Variants in CDH13 observed in about 807,000 individuals in gnomAD.
CDH13 encodes cadherin-13.
A neutral mutation model predicts 63.8 loss-of-function variants in CDH13; 24 were observed. That is an observed-to-expected ratio of 0.38 (90% CI 0.27 to 0.53). CDH13 has a LOEUF of 0.53. Among genes scored for constraint, CDH13 ranks in the 20% least tolerant of loss-of-function variants. The pLI is 0.85. For synonymous variants in CDH13, 503 were observed against 355.3 expected, an observed-to-expected ratio of 1.42 and a Z score of -4.67; for missense variants, 1,049 against 903.1, an observed-to-expected ratio of 1.16 and a Z score of -2.07.
chr16:83,615,070 C>G (rs1909172055), intron 8 of CDH13, among the ~76,000 whole-genome samples: 1 of 152,144 alleles, frequency 6.6e-6, no homozygotes, highest in Non-Finnish European at 1.5e-5. Flanking sequence ...AGTTTGGTGA[C>G]TCCAGCTATG....
intron 2 of CDH13, among the ~76,000 whole-genome samples, chr16:83,028,932 G>A (rs936899883): frequency 6.6e-6 from 1 of 152,132 alleles, no homozygotes; most frequent in African/African-American, 2.4e-5. Flanking sequence ...GTGGTGACAG[G>A]CAAATGGTCC....
At chr16:83,291,094 T>A (rs185584766) in intron 5 of CDH13, among the ~76,000 whole-genome samples, 89 of 152,304 alleles carry the variant, frequency 5.8e-4, no homozygotes, top group African/African-American at 2.1e-3. Flanking sequence ...CTACCCGTTG[T>A]TCAAAGCGGC....
At chr16:83,248,843 T>C (rs1905216043) in intron 5 of CDH13, among the ~76,000 whole-genome samples, 1 of 152,194 alleles carries the variant, frequency 6.6e-6, no homozygotes, top group African/African-American at 2.4e-5. Context: ...CCCTGGAATT[T>C]AGTGTAGGCA....
At chr16:83,390,890 A>T (rs1011222952) in intron 6 of CDH13, among the ~76,000 whole-genome samples, 2 of 152,182 alleles carry the variant, frequency 1.3e-5, no homozygotes, top group African/African-American at 4.8e-5. Context: ...AGGCCAGTCA[A>T]ATCCACTGGA....
intron 3 of CDH13, among the ~76,000 whole-genome samples, chr16:83,123,919 C>T (rs543226307): frequency 9.2e-5 from 14 of 152,226 alleles, no homozygotes; most frequent in African/African-American, 2.2e-4. Context: ...AAGATGATAT[C>T]GCATTGTCGT....
chr16:83,337,400 C>G (rs1597783191), intron 5 of CDH13, among the ~76,000 whole-genome samples: 1 of 152,112 alleles, frequency 6.6e-6, no homozygotes, highest in African/African-American at 2.4e-5. Context: ...AGTTGAGCCC[C>G]TTTTTTCCTC....
chr16:83,353,375 A>T (rs1311009556), intron 6 of CDH13, among the ~76,000 whole-genome samples: 3 of 151,592 alleles, frequency 2.0e-5, no homozygotes, highest in African/African-American at 7.3e-5. Flanking sequence ...CCCCACCCTG[A>T]TGGGCACCAT....
intron 7 of CDH13, among the ~76,000 whole-genome samples, chr16:83,533,286 C>G (rs976369340): frequency 6.6e-6 from 1 of 152,172 alleles, no homozygotes; most frequent in African/African-American, 2.4e-5. Flanking sequence ...CTCGGAAAAT[C>G]TCAACTCAGC....
intron 1 of CDH13, among the ~76,000 whole-genome samples, chr16:82,645,326 G>C (rs1259492101): frequency 6.6e-6 from 1 of 152,140 alleles, no homozygotes; most frequent in African/African-American, 2.4e-5. Flanking sequence ...TAATTCTTCT[G>C]GTGTCACTGT....
rs563892683 is a variant in CDH13, at chr16:83,378,961, C to G, written c.781+33955C>G. On this transcript the variant is annotated intron_variant, in intron 6 of 13. Transcript: ENST00000567109. The stretch of plus-strand genomic sequence containing the variant: ...ATAATTATTTCCAAGATAGGTTTCT[C>G]CAGTTTAGAAATTGTATATACACAT... 7.9e-5 allele frequency among the ~76,000 whole-genome samples: 12 copies of G among 151,678 alleles called. No homozygotes were observed. The South Asian group carries it at 1.9e-3, about 24-fold the overall frequency.
intron 1 of CDH13, among the ~76,000 whole-genome samples, chr16:82,684,911 T>C (rs898246393): frequency 3.3e-5 from 5 of 151,358 alleles, no homozygotes; most frequent in African/African-American, 1.2e-4. Context: ...TGAGGAAATA[T>C]AAATCACATT....
intron 6 of CDH13, among the ~76,000 whole-genome samples, chr16:83,452,753 G>C (rs551683981): frequency 6.6e-6 from 1 of 152,348 alleles, no homozygotes; most frequent in Admixed American, 6.5e-5. Flanking sequence ...GTACCTCGGT[G>C]AAAGAAATAA....
chr16:82,893,932 AC>A (rs1196118529), intron 2 of CDH13, among the ~76,000 whole-genome samples: 2 of 152,036 alleles, frequency 1.3e-5, no homozygotes, highest in African/African-American at 4.8e-5. Context: ...CACTTCAGTA[AC>A]CTCCCACATG....
At chr16:83,016,462 A>AT (rs549390187) in intron 2 of CDH13, among the ~76,000 whole-genome samples, 73 of 152,310 alleles carry the variant, frequency 4.8e-4, no homozygotes, top group Admixed American at 1.9e-3. Flanking sequence ...TGGAGATAAA[A>AT]CTGTAGGAAG....
chr16:83,653,131 T>C (rs1209183666), intron 8 of CDH13, among the ~76,000 whole-genome samples: 1 of 152,094 alleles, frequency 6.6e-6, no homozygotes. Flanking sequence ...CAATTAGTGG[T>C]TGCCAGGGGC....
At chr16:83,710,457 A>G (rs768449244) in intron 10 of CDH13, 3 of 152,204 alleles carry the variant, frequency 2.0e-5, no homozygotes, top group Admixed American at 6.5e-5. Context: ...AACTTGGGCT[A>G]TAGCATTGCA....
In CDH13 at chr16:82,767,366, TC is replaced by T. The variant is rs1317870456; in HGVS notation, c.46-90995del. 4.6e-5 allele frequency among the ~76,000 whole-genome samples: 7 copies of T among 152,320 alleles called. No individual in the cohort carries two copies. The East Asian group carries it at 1.3e-3, about 29-fold the overall frequency. ...TCTATCTTGGATTAGTTTTATCTGT[TC>T]TAGAACTTGATATAAATAGAATCAT... On this transcript the variant is annotated intron_variant, in intron 1 of 13. Coordinates refer to ENST00000567109, the MANE Select transcript of CDH13 (RefSeq NM_001257.5).
intron 7 of CDH13, among the ~76,000 whole-genome samples, chr16:83,561,357 C>T (rs2075705064): frequency 7.1e-6 from 1 of 140,862 alleles, no homozygotes; most frequent in East Asian, 2.3e-4. Flanking sequence ...ACCTGAGAGG[C>T]GGAGGTTGTG....
chr16:83,355,306 T>G (rs926186325), intron 6 of CDH13, among the ~76,000 whole-genome samples: 1 of 152,224 alleles, frequency 6.6e-6, no homozygotes, highest in Non-Finnish European at 1.5e-5. Context: ...TTATAACTGA[T>G]GCCATCTATG....
Sources: allele counts gnomAD v4.1 joint callset (sites outside exome capture counted in the v4.1 genomes callset), GRCh38; gene constraint gnomAD v4.1.1; transcripts MANE v1.5; gene names NCBI Gene and HGNC (gene_info 2026-07-23, HGNC 2026-07-21).